The following CATSPER2 variants were observed in gnomAD, a reference collection of about 807,000 sequenced individuals.
CATSPER2 encodes the protein cation channel sperm associated 2, also known as cation channel sperm-associated protein 2.
In CATSPER2, 56 loss-of-function variants were observed where a neutral mutation model predicts 68.8. That is an observed-to-expected ratio of 0.81 (90% CI 0.66 to 1.02). The LOEUF is 1.02. Ranked by LOEUF, CATSPER2 falls within the 50% of genes least tolerant of loss-of-function variation. The pLI is 0.00. For missense variants in CATSPER2, 582 were observed against 642.0 expected, an observed-to-expected ratio of 0.91 and a Z score of 1.01; for synonymous variants, 198 against 229.9, an observed-to-expected ratio of 0.86 and a Z score of 1.26.
rs1401734335 is a variant in CATSPER2 at position 43,648,717 on chromosome 15, A to G, written c.-91T>C. 56 of 1,496,716 alleles carry G rather than the reference A, an allele frequency of 3.7e-5. No individual in the cohort carries two copies. Among genetic ancestry groups the G allele is most frequent in the Non-Finnish European group, 4.9e-5 (55 of 1,127,536 alleles). The allele number at this position is 1,496,716 out of a possible 1,614,324, so 92.7% of individuals were successfully genotyped here. A position where few individuals can be genotyped will look rare whatever the true frequency, so the allele number is the denominator to read the frequency against. ...CCCCGAGCCTGGCTACCCCTATGCA[A>G]GACGAGCTCAGGGCCGGCTCCCAGC... On this transcript the variant is annotated 5_prime_UTR_variant, in exon 1 of 13. Transcript: ENST00000396879.
At chr15:43,646,002 T>C (rs543237650) in intron 4 of CATSPER2, among the ~76,000 whole-genome samples, 1 of 152,150 alleles carries the variant, frequency 6.6e-6, no homozygotes, top group East Asian at 1.9e-4. Context: ...GCTAATATCT[T>C]AGTTGTACCT....
In CATSPER2 at chr15:43,640,379, A is replaced by G. The variant is rs1399660357; in HGVS notation, c.506T>C (p.Phe169Ser). ...CCAGGCACTCTTCCAGAAAACAGAAAAGTTGGATAGCCACTTAAGAAGGAT... is the reference window on the plus strand; with the variant it reads ...CCAGGCACTCTTCCAGAAAACAGAAGAGTTGGATAGCCACTTAAGAAGGAT... Reference protein sequence around the residue: ...LEILLKWLSNFSVFWKSAWNV... With the variant: ...LEILLKWLSNSSVFWKSAWNV... Residue 169 changes from phenylalanine to serine, a missense_variant, in exon 5 of 13, where the codon TTT becomes TCT. Physicochemically the swap from Phe to Ser is radical, Grantham distance 155 (BLOSUM62 -2). This residue lies in a region of CATSPER2 where 45 missense variants were observed against 80.2 expected (regional missense o/e 0.56). Coordinates refer to ENST00000396879, the MANE Select transcript of CATSPER2 (RefSeq NM_172095.4). The G allele has an allele frequency of 6.2e-7, 1 of 1,612,878 alleles. No homozygotes were observed. Among genetic ancestry groups the G allele is most frequent in the African/African-American group, 1.3e-5 (1 of 74,832 alleles).
chr15:43,643,704 T>A (rs574172815), intron 4 of CATSPER2, among the ~76,000 whole-genome samples: 2 of 152,148 alleles, frequency 1.3e-5, no homozygotes, highest in Non-Finnish European at 2.9e-5. Context: ...ATGATGTTCA[T>A]CTGATTCTAT....
chr15:43,640,047 T>C (rs1292840940), intron 5 of CATSPER2: 1 of 1,436,536 alleles, frequency 7.0e-7, no homozygotes, highest in Non-Finnish European at 9.2e-7. Flanking sequence ...ATAAATGAGA[T>C]AATGTAAGGA....
intron 11 of CATSPER2, 166 bp from the exon 12 acceptor site, chr15:43,632,529 G>A (rs1025238518): frequency 7.0e-7 from 1 of 1,419,336 alleles, no homozygotes; most frequent in Non-Finnish European, 9.8e-7. Flanking sequence ...CGAGCAAAGA[G>A]GGCCACAGCC....
intron 6 of CATSPER2, 66 bp from the exon 7 acceptor site, chr15:43,639,094 C>G: frequency 6.3e-7 from 1 of 1,590,470 alleles, no homozygotes; most frequent in Non-Finnish European, 8.6e-7. Context: ...ACAGCCCAGT[C>G]AAGCTCACCT....
At chr15:43,646,980 G>C (rs2086177665) in intron 4 of CATSPER2, 70 bp downstream of exon 4, 1 of 1,357,642 alleles carries the variant, frequency 7.4e-7, no homozygotes, top group Non-Finnish European at 1.1e-6. Flanking sequence ...GCCTCCCAAA[G>C]TGCTAGGATT....
chr15:43,641,778 G>A (rs191595993), intron 4 of CATSPER2, among the ~76,000 whole-genome samples: 10 of 152,080 alleles, frequency 6.6e-5, no homozygotes, highest in Non-Finnish European at 1.3e-4. Flanking sequence ...GCATAATCAC[G>A]GTTCACGGAA....
At chr15:43,630,829 T>G in intron 12 of CATSPER2, 97 bp from the exon 13 acceptor site, 1 of 1,607,180 alleles carries the variant, frequency 6.2e-7, no homozygotes, top group Non-Finnish European at 8.5e-7. Context: ...CTAGGTTCCC[T>G]CACAAGTCTT....
intron 7 of CATSPER2, among the ~76,000 whole-genome samples, chr15:43,637,305 T>A (rs1348039533): frequency 6.6e-6 from 1 of 151,974 alleles, no homozygotes; most frequent in East Asian, 1.9e-4. Flanking sequence ...TACATAAACA[T>A]ATGTGATCCT....
chr15:43,633,652 A>T (rs1489744782), intron 10 of CATSPER2: 1 of 152,300 alleles, frequency 6.6e-6, no homozygotes, highest in East Asian at 1.9e-4. Context: ...TAAAACTACA[A>T]CCCATCTGCA....
At position 43,630,599 on chromosome 15, in the gene CATSPER2, G is replaced by T; in HGVS notation, c.*102C>A. 1.2e-6 allele frequency: 2 copies of T among 1,607,030 alleles called. No homozygotes were observed. Among genetic ancestry groups the T allele is most frequent in the Non-Finnish European group, 1.7e-6 (2 of 1,176,742 alleles). ...TTATACTTTTTAATTTTAATGAACAGACATTGTTCTATCTGAATGTTTATA... is the reference window on the plus strand; with the variant it reads ...TTATACTTTTTAATTTTAATGAACATACATTGTTCTATCTGAATGTTTATA... On this transcript the variant is annotated 3_prime_UTR_variant, in exon 13 of 13. Coordinates refer to ENST00000396879, the MANE Select transcript of CATSPER2 (RefSeq NM_172095.4).
At chr15:43,638,701 A>C (rs2086012630) in intron 7 of CATSPER2, among the ~76,000 whole-genome samples, 1 of 151,908 alleles carries the variant, frequency 6.6e-6, no homozygotes, top group African/African-American at 2.4e-5. Context: ...ACCCAGAATA[A>C]ACATGGAACT....
chr15:43,630,951 C>G (rs1444868190), intron 12 of CATSPER2, among the ~76,000 whole-genome samples: 4 of 151,954 alleles, frequency 2.6e-5, no homozygotes, highest in Non-Finnish European at 5.9e-5. Context: ...ACCCTGTCCT[C>G]CCTAGAGAAT....
intron 7 of CATSPER2, among the ~76,000 whole-genome samples, chr15:43,636,886 G>C (rs886224184): frequency 1.3e-5 from 2 of 148,774 alleles, no homozygotes; most frequent in African/African-American, 2.5e-5. Flanking sequence ...GGAGTTGCGT[G>C]ATCTCAGCTC....
At chr15:43,635,246 C>T (rs2085942560) in intron 10 of CATSPER2, 114 bp downstream of exon 10, 2 of 991,202 alleles carry the variant, frequency 2.0e-6, no homozygotes, top group Non-Finnish European at 1.6e-6. Flanking sequence ...CAACCTACTA[C>T]AATATGCAGT....
intron 4 of CATSPER2, 27 bp downstream of exon 4, chr15:43,647,023 C>T (rs775103564): frequency 1.3e-6 from 2 of 1,594,252 alleles, no homozygotes; most frequent in Non-Finnish European, 1.7e-6. Flanking sequence ...GGCCTCACTT[C>T]CTCTTTCATA....
rs769772894 is a variant in CATSPER2, at chr15:43,635,760, T to C, written c.1088A>G (p.Lys363Arg). ...EEMARREVQL[K>R]ADMFKRQIIQ... ...GATCTGCCGCTTGAACATGTCAGCT[T>C]TGAGCTGAACCTCCCGACGCGCCAT... Residue 363 changes from lysine to arginine, a missense_variant, in exon 9 of 13, where the codon AAA becomes AGA. Around this residue, in one of 5 missense-constraint regions of CATSPER2, gnomAD observed 235 missense variants for 264.2 expected, o/e 0.89. Transcript: ENST00000396879. The C allele has an allele frequency of 6.2e-7, 1 of 1,613,580 alleles. No individual in the cohort carries two copies. Among genetic ancestry groups the C allele is most frequent in the Non-Finnish European group, 8.5e-7 (1 of 1,179,746 alleles).
rs763876192 is a variant in CATSPER2 at position 43,632,281 on chromosome 15, T to A, written c.1479A>T (p.Arg493Ser). 5 of 1,613,572 alleles carry A rather than the reference T, an allele frequency of 3.1e-6. No homozygotes were observed. Among genetic ancestry groups the A allele is most frequent in the Middle Eastern group, 1.6e-4 (1 of 6,084 alleles). ...EMDQDDRVWPRDSLFRYFELL... is the reference protein window; with the variant it reads ...EMDQDDRVWPSDSLFRYFELL... ...ACTCAAAATATCGGAAGAGTGAGTC[T>A]CTGGGCCAAACACGGTCATCCTGAT... Residue 493 changes from arginine (R) to serine (S), a missense_variant, in exon 12 of 13, where the codon AGA becomes AGT. This residue lies in a region of CATSPER2 where 235 missense variants were observed against 264.2 expected (regional missense o/e 0.89). Coordinates refer to ENST00000396879, the MANE Select transcript of CATSPER2 (RefSeq NM_172095.4).
Sources: allele counts gnomAD v4.1 joint callset (sites outside exome capture counted in the v4.1 genomes callset), GRCh38; gene constraint gnomAD v4.1.1; regional missense constraint gnomAD v4.1.1; transcripts MANE v1.5; gene names NCBI Gene and HGNC (gene_info 2026-07-23, HGNC 2026-07-21).